ADAM18: variants seen among roughly 807,000 people sequenced by gnomAD.
The protein encoded by ADAM18 is disintegrin and metalloproteinase domain-containing protein 18.
A neutral mutation model predicts 94.4 loss-of-function variants in ADAM18; 117 were observed. That is an observed-to-expected ratio of 1.24 (90% CI 1.07 to 1.45). The LOEUF (loss-of-function observed/expected upper bound fraction) is 1.45, where lower values mean the gene tolerates loss of function less well. ADAM18 is among the 40% of genes most tolerant of loss of function. ADAM18 has a pLI of 0.00. For synonymous variants in ADAM18, 327 were observed against 291.6 expected (o/e 1.12, Z -1.24); for missense variants, 936 against 880.0 (o/e 1.06, Z -0.81).
rs1337499674 is a variant in ADAM18, at chr8:39,584,640, C to T, written c.18C>T (p.Ala6=). 2.5e-6 allele frequency: 4 copies of T among 1,613,370 alleles called. No homozygotes were observed. Among genetic ancestry groups the T allele is most frequent in the East Asian group, 4.5e-5 (2 of 44,882 alleles). Residue 6 remains alanine, a synonymous_variant, in exon 1 of 20, where the codon GCC becomes GCT. Transcript: ENST00000265707. The part of the protein sequence containing the change: MFLLL[A]LLTELGRLQA... ...GCTGAGCCATGTTCCTTCTCCTCGCCCTCCTCACTGAGCTTGGAAGACTGC... is the reference window on the plus strand; with the variant it reads ...GCTGAGCCATGTTCCTTCTCCTCGCTCTCCTCACTGAGCTTGGAAGACTGC...
At chr8:39,684,151 A>T (rs924820043) in intron 16 of ADAM18, among the ~76,000 whole-genome samples, 1 of 152,122 alleles carries the variant, frequency 6.6e-6, no homozygotes, top group Admixed American at 6.5e-5. Flanking sequence ...AAATACATAA[A>T]ATAAATAGAT....
chr8:39,645,823 A>G (rs1206977804), intron 11 of ADAM18, among the ~76,000 whole-genome samples: 1 of 152,156 alleles, frequency 6.6e-6, no homozygotes, highest in East Asian at 1.9e-4. Flanking sequence ...TGGAAATTAT[A>G]TACTCCAGGT....
intron 18 of ADAM18, among the ~76,000 whole-genome samples, chr8:39,721,510 T>A (rs1437885892): frequency 6.6e-6 from 1 of 151,434 alleles, no homozygotes; most frequent in Admixed American, 6.6e-5. Context: ...TTGCAAACTA[T>A]ATATCAACAA....
chr8:39,679,353 A>G (rs552410798), intron 15 of ADAM18, among the ~76,000 whole-genome samples: 1 of 152,310 alleles, frequency 6.6e-6, no homozygotes, highest in Admixed American at 6.5e-5. Context: ...AGTGACATAG[A>G]TTATCTTTCA....
chr8:39,729,668 G>C (rs1823018420), intron 19 of ADAM18, among the ~76,000 whole-genome samples: 1 of 151,722 alleles, frequency 6.6e-6, no homozygotes, highest in East Asian at 1.9e-4. Context: ...TTTTTAGTTG[G>C]ACTCCTTATA....
chr8:39,681,486 T>C (rs1199868962), intron 16 of ADAM18, among the ~76,000 whole-genome samples: 1 of 152,188 alleles, frequency 6.6e-6, no homozygotes, highest in East Asian at 1.9e-4. Flanking sequence ...TGTGATATAA[T>C]AAATACGTGT....
chr8:39,681,607 G>A (rs1821460791), intron 16 of ADAM18, among the ~76,000 whole-genome samples: 1 of 152,156 alleles, frequency 6.6e-6, no homozygotes, highest in African/African-American at 2.4e-5. Flanking sequence ...TAAAAATTGG[G>A]TATGAATATA....
intron 7 of ADAM18, among the ~76,000 whole-genome samples, chr8:39,631,433 C>A (rs191469676): frequency 6.6e-6 from 1 of 151,976 alleles, no homozygotes; most frequent in African/African-American, 2.4e-5. Context: ...TCTCCACTTA[C>A]GGAAAATGTC....
At chr8:39,722,250 T>G (rs1822780327) in intron 18 of ADAM18, among the ~76,000 whole-genome samples, 1 of 125,754 alleles carries the variant, frequency 8.0e-6, no homozygotes, top group Non-Finnish European at 1.7e-5. Context: ...TATATATATA[T>G]ATATATATAT....
chr8:39,720,149 A>G (rs1822707565), intron 18 of ADAM18, among the ~76,000 whole-genome samples: 2 of 151,698 alleles, frequency 1.3e-5, no homozygotes, highest in Admixed American at 1.3e-4. Context: ...CTGTTGTTAT[A>G]TACACCAATA....
At chr8:39,716,088 C>T (rs1461506975) in intron 18 of ADAM18, among the ~76,000 whole-genome samples, 1 of 151,924 alleles carries the variant, frequency 6.6e-6, no homozygotes, top group Non-Finnish European at 1.5e-5. Context: ...TGCATTTTCT[C>T]TCTCTCTTTT....
intron 11 of ADAM18, among the ~76,000 whole-genome samples, chr8:39,646,430 T>A (rs979849119): frequency 1.3e-5 from 2 of 152,218 alleles, no homozygotes; most frequent in African/African-American, 4.8e-5. Context: ...TAATATATTT[T>A]AATGATATAT....
chr8:39,622,414 G>A (rs992099387), intron 6 of ADAM18, among the ~76,000 whole-genome samples: 2 of 151,068 alleles, frequency 1.3e-5, no homozygotes, highest in East Asian at 3.9e-4. Flanking sequence ...AAAATCATAG[G>A]CAATGTAATG....
intron 12 of ADAM18, among the ~76,000 whole-genome samples, chr8:39,655,929 GACT>G (rs991098639): frequency 6.6e-6 from 1 of 151,808 alleles, no homozygotes; most frequent in African/African-American, 2.4e-5. Flanking sequence ...ACATGTATAA[GACT>G]ACTAAATATA....
At chr8:39,601,793 A>G (rs2129458313) in intron 2 of ADAM18, among the ~76,000 whole-genome samples, 1 of 152,224 alleles carries the variant, frequency 6.6e-6, no homozygotes, top group South Asian at 2.1e-4. Flanking sequence ...ATATTGGAAA[A>G]CTGAATCTGT....
In ADAM18 at chr8:39,680,028, C is replaced by T. The variant is rs1330059912; in HGVS notation, c.1632-9C>T. ...AACTGATAAGGAACTTTTTGCTTTC[C>T]ACTTCCAGGGATGTTCTCTGTGGAA... On this transcript the variant is annotated splice_polypyrimidine_tract_variant and intron_variant, in intron 15 of 19. Transcript: ENST00000265707. The T allele has an allele frequency of 6.2e-7, 1 of 1,609,976 alleles. No individual in the cohort carries two copies. Among genetic ancestry groups the T allele is most frequent in the African/African-American group, 1.3e-5 (1 of 74,484 alleles).
At chr8:39,712,244 C>G (rs913060863) in intron 18 of ADAM18, among the ~76,000 whole-genome samples, 4 of 152,050 alleles carry the variant, frequency 2.6e-5, no homozygotes, top group African/African-American at 7.2e-5. Context: ...ATTCAACAGC[C>G]CTTCATGCTA....
intron 2 of ADAM18, among the ~76,000 whole-genome samples, chr8:39,600,737 A>G (rs1050781191): frequency 1.3e-5 from 2 of 152,214 alleles, no homozygotes; most frequent in African/African-American, 4.8e-5. Flanking sequence ...GTGTTATCTG[A>G]CCTGCAAAGC....
intron 2 of ADAM18, among the ~76,000 whole-genome samples, chr8:39,602,730 A>G (rs184269965): frequency 1.2e-4 from 18 of 152,000 alleles, no homozygotes; most frequent in Admixed American, 1.2e-3. Context: ...TGATTTCCAA[A>G]TATTTTTCCC....
Sources: allele counts gnomAD v4.1 joint callset (sites outside exome capture counted in the v4.1 genomes callset), GRCh38; gene constraint gnomAD v4.1.1; transcripts MANE v1.5; gene names NCBI Gene and HGNC (gene_info 2026-07-23, HGNC 2026-07-21).